Variants in CNTROB observed in about 807,000 individuals in gnomAD.
The protein encoded by CNTROB is centrobin, centriole duplication and spindle assembly protein, also known as centrobin.
Under a neutral mutation model 115.7 loss-of-function variants are expected in CNTROB, and 82 were observed. The ratio of observed to expected loss-of-function variants is 0.71; its 90% confidence interval spans 0.59 to 0.85. The LOEUF is 0.85. Ranked by LOEUF, CNTROB falls within the 40% of genes least tolerant of loss-of-function variation. The pLI is 0.00. For synonymous variants in CNTROB, 439 were observed against 456.4 expected (o/e 0.96, Z 0.49); for missense variants, 1,014 against 1,144.4 (o/e 0.89, Z 1.64).
rs371677050 is a variant in CNTROB, at chr17:7,938,530, G to A, written c.928-983G>A. ...GGAATTTCTTTTGACGATGATGGTG[G>A]TAACTATTGTGTATTGAGTACTTAC... On this transcript the variant is annotated intron_variant, in intron 7 of 18. Transcript: ENST00000563694. 5.1e-4 allele frequency among the ~76,000 whole-genome samples: 78 copies of A among 152,314 alleles called. No individual in the cohort carries two copies. In the South Asian group the frequency reaches 0.016, roughly 31 times the overall value.
intron 5 of CNTROB, 61 bp from the exon 6 acceptor site, chr17:7,936,640 C>T (rs1423688748): frequency 1.1e-5 from 9 of 838,650 alleles, no homozygotes; most frequent in Non-Finnish European, 1.5e-5. Flanking sequence ...GACCCTGCCC[C>T]TGTGGGTAGA....
rs1483061292 is a variant in CNTROB at position 7,932,266 on chromosome 17, CA to C, written c.-813del. 2 of 200,108 alleles carry C rather than the reference CA, an allele frequency of 1.0e-5. No individual in the cohort carries two copies. The highest frequency in any genetic ancestry group is 4.7e-5 in the African/African-American group (2 of 42,532). 12.4% of individuals were successfully genotyped at this position (200,108 alleles called of 1,614,324 possible). ...AGGGGGAGGCGTGAGAGGGGGATCT[CA>C]GGGGAGGAGGTCAATCGCTTGCCCC... is the stretch of plus-strand genomic sequence containing the variant. On this transcript the variant is annotated 5_prime_UTR_variant, in exon 1 of 19. Transcript: ENST00000563694.
rs780700229 is a variant in CNTROB at position 7,934,163 on chromosome 17, T to C, written c.296T>C (p.Met99Thr). ...GATGGTTCTAAGCATATCTTTGAGATGGAAAGTGTTCGGGGTCAGCTCCAG... is the reference window on the plus strand; with the variant it reads ...GATGGTTCTAAGCATATCTTTGAGACGGAAAGTGTTCGGGGTCAGCTCCAG... The part of the protein sequence containing the change: ...KKDGSKHIFE[M>T]ESVRGQLQTM... Residue 99 changes from methionine to threonine, a missense_variant, in exon 2 of 19, where the codon ATG becomes ACG. Met to Thr is a moderately conservative substitution (Grantham distance 81, BLOSUM62 -1). Coordinates refer to ENST00000563694, the MANE Select transcript of CNTROB (RefSeq NM_053051.5). 23 of 1,614,186 alleles carry C rather than the reference T, an allele frequency of 1.4e-5. No individual in the cohort carries two copies. Among genetic ancestry groups the C allele is most frequent in the Non-Finnish European group, 1.9e-5 (23 of 1,180,026 alleles).
chr17:7,948,870 T>G lies in CNTROB; in HGVS notation c.2514-215T>G. 1 of 1,457,818 alleles carries G rather than the reference T, an allele frequency of 6.9e-7. No individual in the cohort carries two copies. The highest frequency in any genetic ancestry group is 9.0e-7 in the Non-Finnish European group (1 of 1,105,196). 90.3% of individuals were successfully genotyped at this position (1,457,818 alleles called of 1,614,324 possible). On this transcript the variant is annotated intron_variant, in intron 17 of 18. Coordinates refer to ENST00000563694, the MANE Select transcript of CNTROB (RefSeq NM_053051.5). The surrounding 1 kb of genome is among the most constrained non-coding windows in gnomAD (Gnocchi z 4.4). The stretch of plus-strand genomic sequence containing the variant: ...CTCTCTACCTTCGTTTTTTTCCTCT[T>G]TACCCCTCAGCTCAAAACTCAGAAT...
chr17:7,937,149 C>G lies in CNTROB; in HGVS notation c.829-15C>G, dbSNP rs1186541851. ...CCCACAGTTCCTCTGCCCTGTATTCCTCTCTTCCTGAAAGACAGTAACCCG... is the reference window on the plus strand; with the variant it reads ...CCCACAGTTCCTCTGCCCTGTATTCGTCTCTTCCTGAAAGACAGTAACCCG... On this transcript the variant is annotated splice_polypyrimidine_tract_variant and intron_variant, in intron 6 of 18. Transcript: ENST00000563694. The G allele has an allele frequency of 6.2e-7, 1 of 1,614,052 alleles. No homozygotes were observed. Among genetic ancestry groups the G allele is most frequent in the African/African-American group, 1.3e-5 (1 of 75,040 alleles).
intron 7 of CNTROB, among the ~76,000 whole-genome samples, chr17:7,937,821 A>G (rs1973366040): frequency 6.6e-6 from 1 of 152,030 alleles, no homozygotes; most frequent in African/African-American, 2.4e-5. Context: ...AAAATAAAAA[A>G]TAAAATAAAA....
chr17:7,934,869 C>T (rs1179369082), intron 3 of CNTROB, 120 bp from the exon 4 acceptor site: 1 of 1,157,338 alleles, frequency 8.6e-7, no homozygotes, highest in Non-Finnish European at 1.2e-6. Context: ...AGCTTTACGA[C>T]TTTGGACAAG....
At chr17:7,932,142 A>T (rs912145584), upstream of CNTROB, 12 of 386,496 alleles carry the variant, frequency 3.1e-5, no homozygotes, top group Non-Finnish European at 5.2e-5. Flanking sequence ...AAGTGATGTG[A>T]GTGTCTGCGA....
Position 7,943,296 on chromosome 17 carries a change from G to C in CNTROB, c.1312-95G>C. On this transcript the variant is annotated intron_variant, in intron 9 of 18. Coordinates refer to ENST00000563694, the MANE Select transcript of CNTROB (RefSeq NM_053051.5). This position sits in a 1 kb window ranked among gnomAD's most constrained non-coding sequence, Gnocchi z 4.7. ...TTCTTGTTCTTCATCTCATATGAGG[G>C]GAAAGTTGGTACTGGATTTTGTCTA... 1.2e-6 allele frequency: 1 copy of C among 858,488 alleles called. No homozygotes were observed. The highest frequency in any genetic ancestry group is 1.8e-6 in the Non-Finnish European group (1 of 555,862). 53.2% of individuals were successfully genotyped at this position (858,488 alleles called of 1,614,324 possible). A position where few individuals can be genotyped will look rare whatever the true frequency, so the allele number is the denominator to read the frequency against.
At chr17:7,935,614 C>G (rs1220763496) in intron 4 of CNTROB, 1 of 167,480 alleles carries the variant, frequency 6.0e-6, no homozygotes, top group African/African-American at 2.4e-5. Flanking sequence ...ATGGCACCAC[C>G]TCCTTTCCAA....
intron 9 of CNTROB, among the ~76,000 whole-genome samples, chr17:7,942,523 G>C (rs1375585307): frequency 6.8e-6 from 1 of 147,082 alleles, no homozygotes; most frequent in Non-Finnish European, 1.5e-5. Flanking sequence ...CTTGAACCCG[G>C]GAGGCAGAGG....
At position 7,947,650 on chromosome 17, in the gene CNTROB, T is replaced by G; in HGVS notation, c.2073T>G (p.Pro691=). 1 of 1,614,016 alleles carries G rather than the reference T, an allele frequency of 6.2e-7. No individual in the cohort carries two copies. Among genetic ancestry groups the G allele is most frequent in the Non-Finnish European group, 8.5e-7 (1 of 1,179,846 alleles). The change falls in exon 14 of 19, where the codon CCT becomes CCG. Residue 691 remains proline, a synonymous_variant. Transcript: ENST00000563694. ...CATTCCCTGAGGAAGATCCTGGACCTGACGGGGAGGGCCTCCTAAAGCAAG... is the reference window on the plus strand; with the variant it reads ...CATTCCCTGAGGAAGATCCTGGACCGGACGGGGAGGGCCTCCTAAAGCAAG... ...ERPFPEEDPG[P]DGEGLLKQGL...
chr17:7,934,682 C>A (rs1257154883), intron 3 of CNTROB, 136 bp downstream of exon 3: 6 of 798,646 alleles, frequency 7.5e-6, no homozygotes, highest in Non-Finnish European at 1.0e-5. Context: ...CAGTTTTCAT[C>A]TTTTTCTACT....
chr17:7,932,953 A>G lies in CNTROB; in HGVS notation c.-127A>G. On this transcript the variant is annotated 5_prime_UTR_variant, in exon 1 of 19. Transcript: ENST00000563694. ...AAAGCCTCGATATCCTTAATTCACCAAGGATCCTTGGCGTGGAGTCTTCCT... is the reference window on the plus strand; with the variant it reads ...AAAGCCTCGATATCCTTAATTCACCGAGGATCCTTGGCGTGGAGTCTTCCT... The G allele has an allele frequency of 1.9e-6, 2 of 1,060,314 alleles. No individual in the cohort carries two copies. Among genetic ancestry groups the G allele is most frequent in the Non-Finnish European group, 2.7e-6 (2 of 732,000 alleles). 65.7% of individuals were successfully genotyped at this position (1,060,314 alleles called of 1,614,324 possible). A position where few individuals can be genotyped will look rare whatever the true frequency, so the allele number is the denominator to read the frequency against.
At chr17:7,940,478 A>G (rs1317910285) in intron 9 of CNTROB, among the ~76,000 whole-genome samples, 2 of 152,216 alleles carry the variant, frequency 1.3e-5, no homozygotes, top group African/African-American at 2.4e-5. Context: ...GATTAAATAG[A>G]TTTAAATCTA....
chr17:7,937,733 G>C (rs1025019003), intron 7 of CNTROB, among the ~76,000 whole-genome samples: 1 of 152,086 alleles, frequency 6.6e-6, no homozygotes, highest in East Asian at 1.9e-4. Context: ...AACCCAGCAG[G>C]CAGAGGTTGC....
rs762016689 is a variant in CNTROB at position 7,934,127 on chromosome 17, C to CT, written c.271-5dup. 6.2e-7 allele frequency: 1 copy of CT among 1,613,076 alleles called. No individual in the cohort carries two copies. Among genetic ancestry groups the CT allele is most frequent in the East Asian group, 2.2e-5 (1 of 44,878 alleles). On this transcript the variant is annotated splice_polypyrimidine_tract_variant and intron_variant, in intron 1 of 18. Coordinates refer to ENST00000563694, the MANE Select transcript of CNTROB (RefSeq NM_053051.5). ...CAGACTGCATCTGATTTCCATGTGG[C>CT]TTTTTTCCAGGATGGTTCTAAGCAT...
In CNTROB at chr17:7,948,641, G is replaced by A; in HGVS notation, c.2513+22G>A. ...GCGGGTACAAGCCTGGGAGGAAGGA[G>A]GAAGGATTCTCCGGGTGGAAGCTGG... On this transcript the variant is annotated intron_variant, in intron 17 of 18. Transcript: ENST00000563694. This position sits in a 1 kb window ranked among gnomAD's most constrained non-coding sequence, Gnocchi z 4.4. The A allele has an allele frequency of 6.2e-7, 1 of 1,614,180 alleles. No individual in the cohort carries two copies. Among genetic ancestry groups the A allele is most frequent in the Non-Finnish European group, 8.5e-7 (1 of 1,180,038 alleles).
At chr17:7,934,257 A>C in intron 2 of CNTROB, 35 bp downstream of exon 2, 1 of 1,583,104 alleles carries the variant, frequency 6.3e-7, no homozygotes, top group Non-Finnish European at 8.7e-7. Context: ...TATGAAGGAG[A>C]ACCTAGATGT....
Sources: gnomAD v4.1 joint callset for allele counts (sites outside exome capture counted in the v4.1 genomes callset) on GRCh38, gnomAD v4.1.1 for gene constraint, Gnocchi (gnomAD v3.1) non-coding constraint, MANE v1.5 for transcripts, NCBI Gene and HGNC (gene_info 2026-07-23, HGNC 2026-07-21) for gene names.